The following SOX6 variants were observed in gnomAD, a reference collection of about 807,000 sequenced individuals.
SOX6 encodes transcription factor SOX-6.
SOX6 carries 11 observed loss-of-function variants against 97.8 expected under a neutral mutation model. The ratio of observed to expected loss-of-function variants is 0.11; its 90% CI spans 0.07 to 0.19. The LOEUF (loss-of-function observed/expected upper bound fraction) is 0.19. Ranked by LOEUF, SOX6 falls within the 10% of genes least tolerant of loss-of-function variation. SOX6 has a pLI of 1.00. For synonymous variants in SOX6, 360 were observed against 371.4 expected, an observed-to-expected ratio of 0.97 and a Z score of 0.35; for missense variants, 810 against 1,039.5, an observed-to-expected ratio of 0.78 and a Z score of 3.04.
At position 16,555,281 on chromosome 11, in the gene SOX6, A is replaced by G. The variant is rs12419092; in HGVS notation, n.609+56800T>C. Among the ~76,000 whole-genome samples the G allele has an allele frequency of 2.8e-3, 429 of 152,066 alleles. 1 individual carries two copies. Among genetic ancestry groups the G allele is most frequent in the Non-Finnish European group, 4.1e-3 (278 of 67,846 alleles). On this transcript the variant is annotated intron_variant and non_coding_transcript_variant, in intron 4 of 5. Transcript: ENST00000524520. Reference sequence around the variant, plus strand: ...AAACTTACTAAATCATTCAGTGTGTATAATTAGTGAATCTAAATTACCACT... The same window carrying G: ...AAACTTACTAAATCATTCAGTGTGTGTAATTAGTGAATCTAAATTACCACT...
intron 2 of SOX6, among the ~76,000 whole-genome samples, chr11:16,323,169 A>G (rs1855977097): frequency 6.6e-6 from 1 of 152,206 alleles, no homozygotes; most frequent in South Asian, 2.1e-4. Context: ...GATTCAGATA[A>G]TCTAAAGAGC....
intron 3 of SOX6, among the ~76,000 whole-genome samples, chr11:16,657,926 G>A (rs1182746534): frequency 1.3e-5 from 2 of 152,108 alleles, no homozygotes; most frequent in African/African-American, 2.4e-5. Flanking sequence ...CCATGTTATA[G>A]CACATAATTG....
chr11:16,732,965 G>C (rs1590068560), intron 2 of SOX6, among the ~76,000 whole-genome samples: 1 of 152,324 alleles, frequency 6.6e-6, no homozygotes, highest in South Asian at 2.1e-4. Context: ...CACTTATGCA[G>C]CCAACAAACA....
intron 3 of SOX6, among the ~76,000 whole-genome samples, chr11:16,280,302 A>C (rs1854517534): frequency 6.6e-6 from 1 of 152,082 alleles, no homozygotes; most frequent in Non-Finnish European, 1.5e-5. Context: ...CTTTGTGAGA[A>C]GGGAATGACT....
At chr11:16,686,814 T>C (rs1370695554) in intron 3 of SOX6, among the ~76,000 whole-genome samples, 1 of 152,206 alleles carries the variant, frequency 6.6e-6, no homozygotes, top group African/African-American at 2.4e-5. Context: ...TATAAAGAAA[T>C]ATTTGAGAAT....
intron 3 of SOX6, among the ~76,000 whole-genome samples, chr11:16,691,310 G>A (rs1404770986): frequency 6.6e-6 from 1 of 152,188 alleles, no homozygotes; most frequent in African/African-American, 2.4e-5. Context: ...TGTCTTGTTT[G>A]TTTTAGACCA....
chr11:16,067,299 G>A (rs922120440), intron 9 of SOX6, among the ~76,000 whole-genome samples: 1 of 152,164 alleles, frequency 6.6e-6, no homozygotes, highest in African/African-American at 2.4e-5. Flanking sequence ...ATCTTGAATT[G>A]TAGTTCCCAT....
At chr11:16,062,950 T>C (rs1379306689) in intron 9 of SOX6, among the ~76,000 whole-genome samples, 1 of 151,786 alleles carries the variant, frequency 6.6e-6, no homozygotes, top group Non-Finnish European at 1.5e-5. Flanking sequence ...CAAGATCATA[T>C]AATTAGTATT....
intron 1 of SOX6, among the ~76,000 whole-genome samples, chr11:16,424,995 C>A (rs577438771): frequency 6.6e-6 from 1 of 152,336 alleles, no homozygotes; most frequent in East Asian, 1.9e-4. Context: ...AAAAAAACTT[C>A]CAGGCCCAGG....
At chr11:16,004,184 G>T (rs1349949849) in intron 13 of SOX6, among the ~76,000 whole-genome samples, 1 of 151,886 alleles carries the variant, frequency 6.6e-6, no homozygotes. Context: ...GGATGTTAAA[G>T]ATTACCTAAT....
intron 4 of SOX6, among the ~76,000 whole-genome samples, chr11:16,200,436 T>G (rs920191777): frequency 6.6e-6 from 1 of 152,232 alleles, no homozygotes; most frequent in African/African-American, 2.4e-5. Context: ...AAATGGGTAT[T>G]TGTAGCTAGT....
intron 1 of SOX6, among the ~76,000 whole-genome samples, chr11:16,430,990 TTGTGGCCTCC>T (rs947963913): frequency 9.9e-5 from 15 of 152,186 alleles, no homozygotes; most frequent in African/African-American, 3.6e-4. Flanking sequence ...CACACAGCTA[TTGTGGCCTCC>T]TTACTGTTAC....
chr11:16,519,631 C>T (rs1270574993), intron 4 of SOX6, among the ~76,000 whole-genome samples: 1 of 152,098 alleles, frequency 6.6e-6, no homozygotes, highest in East Asian at 1.9e-4. Flanking sequence ...GATTCAGTGA[C>T]TGCCATTTGT....
At chr11:16,379,415 G>A (rs1015783041) in intron 1 of SOX6, among the ~76,000 whole-genome samples, 26 of 152,074 alleles carry the variant, frequency 1.7e-4, no homozygotes, top group East Asian at 1.9e-4. Flanking sequence ...GTGGTGAGCC[G>A]AGATTGTGCC....
At chr11:16,602,618 C>T (rs1590002618) in intron 4 of SOX6, among the ~76,000 whole-genome samples, 1 of 152,208 alleles carries the variant, frequency 6.6e-6, no homozygotes, top group South Asian at 2.1e-4. Flanking sequence ...TAACTTTTCT[C>T]CTGTTACAAG....
At chr11:16,540,424 C>T (rs901037411) in intron 4 of SOX6, among the ~76,000 whole-genome samples, 2 of 151,956 alleles carry the variant, frequency 1.3e-5, no homozygotes, top group African/African-American at 4.8e-5. Flanking sequence ...ACAGGGATGC[C>T]CTCTCTCACC....
At chr11:16,128,648 C>A (rs1849664706) in intron 6 of SOX6, among the ~76,000 whole-genome samples, 1 of 152,046 alleles carries the variant, frequency 6.6e-6, no homozygotes, top group Non-Finnish European at 1.5e-5. Flanking sequence ...TGGAAAGAAG[C>A]TCTAGTGAGC....
chr11:16,269,931 C>A (rs1009720894), intron 3 of SOX6: 2 of 151,260 alleles, frequency 1.3e-5, no homozygotes, highest in African/African-American at 4.8e-5. Context: ...TGTATAATTG[C>A]ATTGGCTAAT....
rs555724297 is a variant in SOX6 at position 16,379,846 on chromosome 11, A to G, written c.-4-38594T>C. ...TGGAGAATCAAAAACAACCTTACCTATAGATGATCAGCTAAGCTATGAAAT... is the reference window on the plus strand; with the variant it reads ...TGGAGAATCAAAAACAACCTTACCTGTAGATGATCAGCTAAGCTATGAAAT... On this transcript the variant is annotated intron_variant, in intron 1 of 15. Transcript: ENST00000396356. Among the ~76,000 whole-genome samples the G allele has an allele frequency of 1.3e-3, 204 of 152,250 alleles. 1 individual carries two copies. Among genetic ancestry groups the G allele is most frequent in the South Asian group, 5.2e-3 (25 of 4,826 alleles).
Sources: allele counts gnomAD v4.1 joint callset (sites outside exome capture counted in the v4.1 genomes callset), GRCh38; gene constraint gnomAD v4.1.1; transcripts MANE v1.5; gene names NCBI Gene and HGNC (gene_info 2026-07-23, HGNC 2026-07-21).